PTPRG: variants seen among roughly 807,000 people sequenced by gnomAD.
PTPRG encodes the protein receptor-type tyrosine-protein phosphatase gamma.
In PTPRG, 102 loss-of-function variants were observed where a neutral mutation model predicts 165.3. The observed-to-expected ratio is 0.62, with a 90% CI of 0.53 to 0.73. The LOEUF is 0.73. Ranked by LOEUF, PTPRG falls within the 30% of genes least tolerant of loss-of-function variation. PTPRG has a pLI of 0.00. For synonymous variants in PTPRG, 675 were observed against 669.5 expected (o/e 1.01, Z -0.13); for missense variants, 1,866 against 1,861.4 (o/e 1.00, Z -0.05).
intron 5 of PTPRG, among the ~76,000 whole-genome samples, chr3:62,096,255 C>T (rs1702104901): frequency 1.3e-5 from 2 of 152,098 alleles, no homozygotes; most frequent in Admixed American, 1.3e-4. Context: ...TGCATTTGAA[C>T]CAACTTGGTG....
At chr3:61,823,448 A>G (rs140976140) in intron 2 of PTPRG, among the ~76,000 whole-genome samples, 8,101 of 152,192 alleles carry the variant, frequency 0.053, 246 homozygotes, top group Middle Eastern at 0.085. Context: ...CGGCCTCCCA[A>G]AGTACTGGGA....
intron 2 of PTPRG, among the ~76,000 whole-genome samples, chr3:61,756,094 A>C (rs2106945489): frequency 6.6e-6 from 1 of 152,324 alleles, no homozygotes; most frequent in East Asian, 1.9e-4. Context: ...ATGGCATTGC[A>C]TTTGTTTTGA....
chr3:61,755,896 T>C (rs1351654567), intron 2 of PTPRG, among the ~76,000 whole-genome samples: 1 of 152,128 alleles, frequency 6.6e-6, no homozygotes, highest in Non-Finnish European at 1.5e-5. Context: ...CTACAGTTGG[T>C]TTTATGTTTA....
At chr3:62,098,815 A>G (rs1403869862) in intron 5 of PTPRG, among the ~76,000 whole-genome samples, 2 of 152,146 alleles carry the variant, frequency 1.3e-5, no homozygotes, top group South Asian at 2.1e-4. Context: ...GTATCTTCCA[A>G]CCTTTCATAC....
intron 4 of PTPRG, among the ~76,000 whole-genome samples, chr3:62,021,392 T>A (rs143573600): frequency 6.6e-6 from 1 of 152,338 alleles, no homozygotes; most frequent in East Asian, 1.9e-4. Flanking sequence ...GCTATTTGAC[T>A]GGTTGACATT....
In PTPRG at chr3:62,040,685, G is replaced by A. The variant is rs546042768; in HGVS notation, c.519+37188G>A. On this transcript the variant is annotated intron_variant, in intron 4 of 29. Coordinates refer to ENST00000474889, the MANE Select transcript of PTPRG (RefSeq NM_002841.4). ...GGCCAGGATGTTGACCTCATGATCC[G>A]TCCGCCTTGGCCTTCCAGAGTGCTT... Among the ~76,000 whole-genome samples, 934 of 129,854 alleles carry A rather than the reference G, an allele frequency of 7.2e-3. 10 individuals are homozygous for A. Among genetic ancestry groups the A allele is most frequent in the African/African-American group, 0.025 (882 of 35,590 alleles). The allele number at this position is 129,854 out of a possible 152,430, so 85.2% of individuals were successfully genotyped here.
intron 2 of PTPRG, among the ~76,000 whole-genome samples, chr3:61,802,589 G>T (rs2035282314): frequency 6.6e-6 from 1 of 152,152 alleles, no homozygotes; most frequent in African/African-American, 2.4e-5. Flanking sequence ...CATTCTCATT[G>T]GAGCCTATTA....
Position 62,139,234 on chromosome 3 carries a change from G to A in PTPRG, c.682+6566G>A, listed in dbSNP as rs373589578. Among the ~76,000 whole-genome samples, 99 of 152,254 alleles carry A rather than the reference G, an allele frequency of 6.5e-4. 1 individual carries two copies. In the South Asian group the frequency reaches 0.02, roughly 31 times the overall value. Reference sequence around the variant, plus strand: ...AATCCCAGCACTTTGGGAGGCTGAGGTGGGTGGATCACCTGAGGTCAGGAG... The same window carrying A: ...AATCCCAGCACTTTGGGAGGCTGAGATGGGTGGATCACCTGAGGTCAGGAG... On this transcript the variant is annotated intron_variant, in intron 6 of 29. Coordinates refer to ENST00000474889, the MANE Select transcript of PTPRG (RefSeq NM_002841.4).
intron 2 of PTPRG, among the ~76,000 whole-genome samples, chr3:61,774,024 C>T (rs1374376412): frequency 1.3e-5 from 2 of 152,176 alleles, no homozygotes; most frequent in African/African-American, 4.8e-5. Flanking sequence ...ATCCAACCGC[C>T]TCAGCCTCCC....
chr3:61,759,767 A>G (rs966206781), intron 2 of PTPRG, among the ~76,000 whole-genome samples: 1 of 151,600 alleles, frequency 6.6e-6, no homozygotes, highest in African/African-American at 2.4e-5. Context: ...CAAATATTTG[A>G]CTTTCACATA....
intron 5 of PTPRG, among the ~76,000 whole-genome samples, chr3:62,095,296 G>A (rs766255463): frequency 3.3e-5 from 5 of 152,196 alleles, no homozygotes; most frequent in African/African-American, 7.2e-5. Context: ...CTTCAGTGAG[G>A]CAAAGGAAGA....
At chr3:61,939,928 CTTTTTTTTTTTTTTTTTTTTTT>C (rs561334410) in intron 2 of PTPRG, among the ~76,000 whole-genome samples, 9 of 39,108 alleles carry the variant, frequency 2.3e-4, no homozygotes, top group Admixed American at 9.1e-4. Context: ...ACTGACTTGT[CTTTTTTTTTTTTTTTTTTTTTT>C]TTTTTTTTTT....
intron 2 of PTPRG, among the ~76,000 whole-genome samples, chr3:61,857,847 A>G (rs917042219): frequency 6.6e-6 from 1 of 152,110 alleles, no homozygotes; most frequent in African/African-American, 2.4e-5. Flanking sequence ...TTGGGCTATC[A>G]CAGTCTCAGC....
At chr3:61,866,491 T>G (rs2037410922) in intron 2 of PTPRG, among the ~76,000 whole-genome samples, 1 of 149,076 alleles carries the variant, frequency 6.7e-6, no homozygotes, top group Non-Finnish European at 1.5e-5. Context: ...CTAGAATACC[T>G]GGCTAGGATG....
chr3:61,999,584 G>C (rs1035061058), intron 3 of PTPRG, among the ~76,000 whole-genome samples: 1 of 152,032 alleles, frequency 6.6e-6, no homozygotes, highest in Non-Finnish European at 1.5e-5. Flanking sequence ...TTTTCCTGCT[G>C]TTGTTTTAAT....
At chr3:62,288,658 GTGA>G (rs1702762133) in intron 28 of PTPRG, among the ~76,000 whole-genome samples, 1 of 149,498 alleles carries the variant, frequency 6.7e-6, no homozygotes, top group African/African-American at 2.5e-5. Context: ...GGGCGACAGG[GTGA>G]TACTCCGTCA....
intron 5 of PTPRG, chr3:62,124,180 A>G (rs1046066318): frequency 3.7e-5 from 28 of 760,634 alleles, no homozygotes; most frequent in Non-Finnish European, 5.4e-5. Context: ...TGTTGTGCAA[A>G]GAAAAAAAAG....
intron 1 of PTPRG, among the ~76,000 whole-genome samples, chr3:61,685,559 G>C (rs1401035615): frequency 6.6e-6 from 1 of 152,210 alleles, no homozygotes; most frequent in Non-Finnish European, 1.5e-5. Flanking sequence ...TAGTACCCCT[G>C]ACTCCTTGCA....
At chr3:62,189,705 C>G (rs1434175393) in intron 8 of PTPRG, among the ~76,000 whole-genome samples, 3 of 152,198 alleles carry the variant, frequency 2.0e-5, no homozygotes, top group Admixed American at 6.5e-5. Context: ...CTCCTCCACA[C>G]TTGGCTTCTC....
Sources: gnomAD v4.1 joint callset for allele counts (sites outside exome capture counted in the v4.1 genomes callset) on GRCh38, gnomAD v4.1.1 for gene constraint, MANE v1.5 for transcripts, NCBI Gene and HGNC (gene_info 2026-07-23, HGNC 2026-07-21) for gene names.